The following TAFA4 variants were observed in gnomAD, a reference collection of about 807,000 sequenced individuals.
The protein encoded by TAFA4 is chemokine-like protein TAFA-4.
Under a neutral mutation model 21.1 loss-of-function variants are expected in TAFA4, and 20 were observed. The ratio of observed to expected loss-of-function variants is 0.95; its 90% CI spans 0.67 to 1.38. The LOEUF (loss-of-function observed/expected upper bound fraction) is 1.38, where lower values mean the gene tolerates loss of function less well. Ranked by LOEUF, TAFA4 falls within the 40% of genes most tolerant of loss-of-function variation. The pLI, the probability that TAFA4 is intolerant of heterozygous loss-of-function variation, is 0.00. For missense variants in TAFA4, 211 were observed against 180.9 expected (o/e 1.17, Z -0.95); for synonymous variants, 71 against 67.4 (o/e 1.05, Z -0.26).
chr3:68,909,822 C>T (rs1052202283), intron 1 of TAFA4, among the ~76,000 whole-genome samples: 3 of 152,158 alleles, frequency 2.0e-5, no homozygotes, highest in African/African-American at 2.4e-5. Context: ...TTCTTTGGGT[C>T]GGAAGCCTGC....
At chr3:68,743,500 C>T (rs994899088) in intron 4 of TAFA4, among the ~76,000 whole-genome samples, 29 of 149,632 alleles carry the variant, frequency 1.9e-4, no homozygotes, top group African/African-American at 2.2e-4. Flanking sequence ...CACTTGAGCC[C>T]GGGAGGCAGA....
intron 3 of TAFA4, among the ~76,000 whole-genome samples, chr3:68,833,494 A>G (rs571582061): frequency 1.3e-5 from 2 of 152,322 alleles, no homozygotes; most frequent in Non-Finnish European, 1.5e-5. Context: ...AGGAGCTTCA[A>G]TAAAAGGACC....
intron 1 of TAFA4, among the ~76,000 whole-genome samples, chr3:68,892,164 A>G (rs2089736097): frequency 6.6e-6 from 1 of 152,176 alleles, no homozygotes; most frequent in African/African-American, 2.4e-5. Flanking sequence ...GAGAGTATTC[A>G]TTGTTACATG....
chr3:68,795,001 TACACACACACAC>T lies in TAFA4; in HGVS notation c.131-41995_131-41984del, dbSNP rs3048125. Among the ~76,000 whole-genome samples, 86 of 144,072 alleles carry T rather than the reference TACACACACACAC, an allele frequency of 6.0e-4. No homozygotes were observed. In the East Asian group the frequency reaches 0.011, roughly 19 times the overall value. The allele number at this position is 144,072 out of a possible 152,430, so 94.5% of individuals were successfully genotyped here. On this transcript the variant is annotated intron_variant, in intron 3 of 5. Coordinates refer to ENST00000295569, the MANE Select transcript of TAFA4 (RefSeq NM_182522.5). ...TTTTTGAATCAGATTTGTGTCTCAA[TACACACACACAC>T]ACACACACACACACACACACACAGA...
intron 1 of TAFA4, among the ~76,000 whole-genome samples, chr3:68,898,589 T>A (rs186507198): frequency 2.8e-3 from 425 of 152,332 alleles, no homozygotes; most frequent in Non-Finnish European, 4.7e-3. Context: ...GAGGTTGCAG[T>A]GAGCCAAGAT....
chr3:68,877,459 C>T (rs1188299962), intron 3 of TAFA4, among the ~76,000 whole-genome samples: 1 of 152,182 alleles, frequency 6.6e-6, no homozygotes, highest in Non-Finnish European at 1.5e-5. Context: ...GACCAGCTAA[C>T]CTGTTAGCTT....
intron 3 of TAFA4, among the ~76,000 whole-genome samples, chr3:68,857,815 A>C (rs1487049521): frequency 1.3e-5 from 2 of 151,270 alleles, no homozygotes; most frequent in Non-Finnish European, 2.9e-5. Context: ...CAAAACAAAA[A>C]AAAAACAAAA....
intron 3 of TAFA4, among the ~76,000 whole-genome samples, chr3:68,767,629 T>A (rs886828966): frequency 1.3e-4 from 19 of 151,980 alleles, no homozygotes; most frequent in South Asian, 2.1e-4. Flanking sequence ...ACAGTGGAAT[T>A]TGGGACACAG....
intron 3 of TAFA4, among the ~76,000 whole-genome samples, chr3:68,811,221 G>T (rs1460237719): frequency 6.6e-6 from 1 of 152,106 alleles, no homozygotes; most frequent in East Asian, 1.9e-4. Context: ...CAAAGATGGG[G>T]AAAAAACAGA....
intron 2 of TAFA4, among the ~76,000 whole-genome samples, chr3:68,884,184 C>G (rs912582563): frequency 3.9e-5 from 6 of 152,186 alleles, no homozygotes; most frequent in African/African-American, 1.2e-4. Flanking sequence ...CAGATCCATT[C>G]CTCCCGCTTC....
chr3:68,761,612 A>G (rs549008539), intron 3 of TAFA4, among the ~76,000 whole-genome samples: 28 of 152,354 alleles, frequency 1.8e-4, no homozygotes, highest in Non-Finnish European at 3.7e-4. Context: ...CCCATGGATC[A>G]TTATAGAGGC....
At chr3:68,809,514 T>C (rs1424040514) in intron 3 of TAFA4, among the ~76,000 whole-genome samples, 1 of 118,622 alleles carries the variant, frequency 8.4e-6, no homozygotes, top group Non-Finnish European at 1.7e-5. Flanking sequence ...GTCTCCACTA[T>C]GTTGATTTTT....
chr3:68,842,924 T>C (rs1704696959), intron 3 of TAFA4, among the ~76,000 whole-genome samples: 1 of 152,190 alleles, frequency 6.6e-6, no homozygotes, highest in Admixed American at 6.5e-5. Flanking sequence ...ACCATGCTGT[T>C]TTGGTTACTG....
intron 3 of TAFA4, among the ~76,000 whole-genome samples, chr3:68,869,426 AT>A (rs1208689918): frequency 6.6e-6 from 1 of 152,090 alleles, no homozygotes; most frequent in Non-Finnish European, 1.5e-5. Context: ...CTACAAGCCA[AT>A]ATCCCTGATG....
chr3:68,758,963 G>A (rs1035484527), intron 3 of TAFA4, among the ~76,000 whole-genome samples: 2 of 152,216 alleles, frequency 1.3e-5, no homozygotes, highest in African/African-American at 4.8e-5. Flanking sequence ...TCTGCAGTCT[G>A]CAAGATGGGG....
intron 3 of TAFA4, among the ~76,000 whole-genome samples, chr3:68,834,295 G>A (rs1022311911): frequency 2.0e-5 from 3 of 152,246 alleles, no homozygotes; most frequent in East Asian, 3.9e-4. Flanking sequence ...GAATGACCAA[G>A]TCCACTTTCC....
At chr3:68,917,226 CTGATGTACTTCTCAGAT>C (rs975859369) in intron 1 of TAFA4, among the ~76,000 whole-genome samples, 12 of 152,194 alleles carry the variant, frequency 7.9e-5, no homozygotes, top group Non-Finnish European at 1.3e-4. Context: ...TGAGGAAACA[CTGATGTACTTCTCAGAT>C]TGGACATGGG....
chr3:68,858,683 C>T lies in TAFA4; in HGVS notation c.130+22047G>A, dbSNP rs141936970. On this transcript the variant is annotated intron_variant, in intron 3 of 5. Coordinates refer to ENST00000295569, the MANE Select transcript of TAFA4 (RefSeq NM_182522.5). ...TAAAAATGTAGGTACACTGTTGTCC[C>T]CTTTTAACTGAGGAAACTAGTGTTC... 3.0e-3 allele frequency among the ~76,000 whole-genome samples: 455 copies of T among 151,316 alleles called. 3 individuals are homozygous for T. Among genetic ancestry groups the T allele is most frequent in the African/African-American group, 0.01 (420 of 41,224 alleles).
intron 1 of TAFA4, among the ~76,000 whole-genome samples, chr3:68,904,552 C>A (rs2089878544): frequency 6.6e-6 from 1 of 152,266 alleles, no homozygotes; most frequent in African/African-American, 2.4e-5. Context: ...AAAGGACAGG[C>A]AACAATGAAG....
Sources: allele counts gnomAD v4.1 joint callset (sites outside exome capture counted in the v4.1 genomes callset), GRCh38; gene constraint gnomAD v4.1.1; transcripts MANE v1.5; gene names NCBI Gene and HGNC (gene_info 2026-07-23, HGNC 2026-07-21).